HMGN5: variants seen among roughly 807,000 people sequenced by gnomAD.
The protein encoded by HMGN5 is high mobility group nucleosome-binding domain-containing protein 5.
A neutral mutation model predicts 9.5 loss-of-function variants in HMGN5; 4 were observed. The observed-to-expected ratio is 0.42, with a 90% CI of 0.21 to 0.96. The LOEUF (loss-of-function observed/expected upper bound fraction) is 0.96. Ranked by LOEUF, HMGN5 falls within the 40% of genes least tolerant of loss-of-function variation. HMGN5 has a pLI of 0.30. For missense variants in HMGN5, 192 were observed against 187.5 expected (o/e 1.02, Z -0.14); for synonymous variants, 55 against 57.1 (o/e 0.96, Z 0.16).
chrX:81,153,412 G>A (rs1365820046), intron 1 of HMGN5, among the ~76,000 whole-genome samples: 1 of 100,913 alleles, frequency 9.9e-6, no homozygotes, highest in Non-Finnish European at 2.0e-5. Context: ...AAATTAGCTA[G>A]GTGTTGTGGC....
At chrX:81,186,949 A>G (rs1343820621) in intron 1 of HMGN5, among the ~76,000 whole-genome samples, 1 of 111,439 alleles carries the variant, frequency 9.0e-6, no homozygotes, top group East Asian at 2.8e-4. Flanking sequence ...TAATTTCTTT[A>G]CTGATCCACC....
At position 81,113,732 on chromosome X, in the gene HMGN5, T is replaced by G; in HGVS notation, c.*917A>C. ...TTCCATTTATAATAAATGTTCAGAA[T>G]AGGCAAATCCATAGAGATAGAAGGC... is the stretch of plus-strand genomic sequence containing the variant. On this transcript the variant is annotated 3_prime_UTR_variant, in exon 7 of 7. Coordinates refer to ENST00000358130, the MANE Select transcript of HMGN5 (RefSeq NM_030763.3). 1 of 113,523 alleles carries G rather than the reference T, an allele frequency of 8.8e-6. No individual in the cohort carries two copies. 9.4% of individuals were successfully genotyped at this position (113,523 alleles called of 1,213,427 possible). A position where few individuals can be genotyped will look rare whatever the true frequency, so the allele number is the denominator to read the frequency against.
At chrX:81,135,169 A>G (rs1252266522) in intron 1 of HMGN5, among the ~76,000 whole-genome samples, 1 of 111,878 alleles carries the variant, frequency 8.9e-6, no homozygotes, top group Non-Finnish European at 1.9e-5. Context: ...CAATATCATC[A>G]GTAAAGTTAA....
chrX:81,138,147 AG>A (rs1188826822), intron 1 of HMGN5, among the ~76,000 whole-genome samples: 4 of 111,875 alleles, frequency 3.6e-5, no homozygotes, highest in African/African-American at 1.3e-4. Flanking sequence ...GTATAAAATA[AG>A]AAAAATACAG....
chrX:81,132,406 C>A (rs1421752150), intron 1 of HMGN5, among the ~76,000 whole-genome samples: 1 of 111,669 alleles, frequency 9.0e-6, no homozygotes, highest in African/African-American at 3.3e-5. Flanking sequence ...ATAGCCAAGG[C>A]AATCCTAAGC....
intron 1 of HMGN5, among the ~76,000 whole-genome samples, chrX:81,140,376 A>G (rs374592034): frequency 9.1e-6 from 1 of 109,857 alleles, no homozygotes; most frequent in East Asian, 2.9e-4. Flanking sequence ...CTGGCTAACA[A>G]GGTGAAACCC....
chrX:81,168,557 G>A (rs1300122449), intron 1 of HMGN5, among the ~76,000 whole-genome samples: 3 of 111,467 alleles, frequency 2.7e-5, no homozygotes, highest in African/African-American at 6.5e-5. Flanking sequence ...ATGAAATACC[G>A]CTGTGAGTCA....
chrX:81,185,282 A>C (rs766916710), intron 1 of HMGN5, among the ~76,000 whole-genome samples: 1 of 111,568 alleles, frequency 9.0e-6, no homozygotes, highest in East Asian at 2.8e-4. Context: ...TCTTTTCTTC[A>C]ATTTCTTACA....
intron 1 of HMGN5, among the ~76,000 whole-genome samples, chrX:81,130,555 A>G (rs1445809073): frequency 9.0e-6 from 1 of 111,383 alleles, no homozygotes; most frequent in East Asian, 2.8e-4. Context: ...TTATTATAAG[A>G]AAACTCAGCA....
At chrX:81,169,824 G>A (rs2075420590) in intron 1 of HMGN5, among the ~76,000 whole-genome samples, 2 of 110,928 alleles carry the variant, frequency 1.8e-5, no homozygotes, top group Admixed American at 1.9e-4. Context: ...GGAGGTCAAG[G>A]TGGGCTGACT....
At chrX:81,185,920 T>A (rs2075476009) in intron 1 of HMGN5, among the ~76,000 whole-genome samples, 1 of 112,006 alleles carries the variant, frequency 8.9e-6, no homozygotes, top group Non-Finnish European at 1.9e-5. Context: ...ATAACAATAA[T>A]TGATTTGCAT....
chrX:81,146,011 AG>A (rs1296137276), intron 1 of HMGN5, among the ~76,000 whole-genome samples: 4 of 111,404 alleles, frequency 3.6e-5, no homozygotes, highest in Admixed American at 9.5e-5. Flanking sequence ...GCAAGTTCTC[AG>A]AGACCTACAA....
intron 1 of HMGN5, among the ~76,000 whole-genome samples, chrX:81,148,715 A>G (rs1602566895): frequency 9.0e-6 from 1 of 111,525 alleles, no homozygotes; most frequent in Admixed American, 9.5e-5. Context: ...TGGGAGAAAA[A>G]TTTTGCAATC....
rs1320728381 is a variant in HMGN5 at position 81,165,642 on chromosome X, T to A, written c.-124+36095A>T. Among the ~76,000 whole-genome samples, 3 of 111,425 alleles carry A rather than the reference T, an allele frequency of 2.7e-5. No homozygotes were observed. In the Admixed American group the frequency reaches 2.9e-4, roughly 11 times the overall value. On this transcript the variant is annotated intron_variant, in intron 1 of 6. Coordinates refer to ENST00000358130, the MANE Select transcript of HMGN5 (RefSeq NM_030763.3). ...TGGGGTCTCTTCAAGTTCTGAGAAGTTGAATGAAAGCTTGAGAAGGAAGAT... is the reference window on the plus strand; with the variant it reads ...TGGGGTCTCTTCAAGTTCTGAGAAGATGAATGAAAGCTTGAGAAGGAAGAT...
intron 1 of HMGN5, among the ~76,000 whole-genome samples, chrX:81,198,798 T>A (rs951806297): frequency 1.8e-5 from 2 of 111,721 alleles, no homozygotes; most frequent in African/African-American, 6.5e-5. Context: ...ACTGGAAGCA[T>A]TCCCTTTGAA....
intron 1 of HMGN5, among the ~76,000 whole-genome samples, chrX:81,182,201 T>C (rs2075464808): frequency 8.9e-6 from 1 of 112,282 alleles, no homozygotes; most frequent in Non-Finnish European, 1.9e-5. Flanking sequence ...TGAGCAATGA[T>C]GTTGAGTGTC....
chrX:81,156,706 T>A (rs1222214212), intron 1 of HMGN5, among the ~76,000 whole-genome samples: 1 of 111,405 alleles, frequency 9.0e-6, no homozygotes, highest in South Asian at 3.9e-4. Context: ...CACCACTGTA[T>A]CCCAAGGGCC....
intron 1 of HMGN5, among the ~76,000 whole-genome samples, chrX:81,170,053 CAAA>C (rs397896203): frequency 5.7e-5 from 2 of 34,788 alleles, no homozygotes; most frequent in African/African-American, 8.9e-5. Context: ...GACCCCGTCT[CAAA>C]AAAAAAAAAA....
At chrX:81,117,117 C>T (rs1455898535) in intron 5 of HMGN5, among the ~76,000 whole-genome samples, 1 of 111,313 alleles carries the variant, frequency 9.0e-6, no homozygotes, top group East Asian at 2.8e-4. Flanking sequence ...GAAAAAAATG[C>T]TTTAGAAACT....
Sources: allele counts gnomAD v4.1 joint callset (sites outside exome capture counted in the v4.1 genomes callset), GRCh38; gene constraint gnomAD v4.1.1; transcripts MANE v1.5; gene names NCBI Gene and HGNC (gene_info 2026-07-23, HGNC 2026-07-21).